The following GSDMC variants were observed in gnomAD, a reference collection of about 807,000 sequenced individuals.
The protein encoded by GSDMC is gasdermin-C.
Under a neutral mutation model 58.0 loss-of-function variants are expected in GSDMC, and 59 were observed. The ratio of observed to expected loss-of-function variants is 1.02; its 90% confidence interval spans 0.82 to 1.26. The LOEUF (loss-of-function observed/expected upper bound fraction) is 1.26. GSDMC is among the 50% of genes most tolerant of loss of function. GSDMC has a pLI of 0.00. For synonymous variants in GSDMC, 241 were observed against 220.2 expected, an observed-to-expected ratio of 1.09 and a Z score of -0.83; for missense variants, 659 against 598.5, an observed-to-expected ratio of 1.10 and a Z score of -1.06.
At chr8:129,713,323 C>T in the GSDMC span, among the ~76,000 whole-genome samples, 1 of 152,182 alleles carries the variant, frequency 6.6e-6, no homozygotes, top group African/African-American at 2.4e-5. Context: ...CGTGGGGAGG[C>T]AGGAGCCCCA....
intron 6 of GSDMC, among the ~76,000 whole-genome samples, chr8:129,755,744 G>T (rs2033401833): frequency 6.6e-6 from 1 of 151,898 alleles, no homozygotes; most frequent in Non-Finnish European, 1.5e-5. Context: ...ACTTTATTAG[G>T]TTTCTTTTTG....
chr8:129,731,705 T>G, the GSDMC span, among the ~76,000 whole-genome samples: 1 of 152,184 alleles, frequency 6.6e-6, no homozygotes, highest in East Asian at 1.9e-4. Flanking sequence ...GTCTGCGTTA[T>G]TCAAAGTTCA....
At chr8:129,725,023 C>A in the GSDMC span, among the ~76,000 whole-genome samples, 7 of 152,300 alleles carry the variant, frequency 4.6e-5, no homozygotes, top group South Asian at 2.1e-4. Context: ...GCCAGTTGAA[C>A]AAGTTAACCC....
At chr8:129,708,221 C>G in the GSDMC span, among the ~76,000 whole-genome samples, 6 of 152,220 alleles carry the variant, frequency 3.9e-5, no homozygotes, top group Non-Finnish European at 7.3e-5. Context: ...AAAGCCGGCT[C>G]TGCTTAGAGG....
chr8:129,718,089 A>G, the GSDMC span, among the ~76,000 whole-genome samples: 5 of 152,212 alleles, frequency 3.3e-5, no homozygotes, highest in African/African-American at 4.8e-5. Context: ...AACATAGTCA[A>G]TACTATTCAA....
In GSDMC at chr8:129,779,009, T is replaced by C. The variant is rs2034332164; in HGVS notation, c.-4-1418A>G. The stretch of plus-strand genomic sequence containing the variant: ...AAAAGGAATGCTTATACACTGTTGA[T>C]GGGAATGTAAATTAGTTCAACCACT... On this transcript the variant is annotated intron_variant, in intron 1 of 13. Transcript: ENST00000276708. Among the ~76,000 whole-genome samples, 5 of 152,332 alleles carry C rather than the reference T, an allele frequency of 3.3e-5. 1 individual carries two copies. The South Asian group carries it at 1.0e-3, about 32-fold the overall frequency.
downstream of GSDMC, among the ~76,000 whole-genome samples, chr8:129,747,488 G>C (rs999420206): frequency 1.7e-4 from 26 of 152,176 alleles, no homozygotes; most frequent in African/African-American, 5.8e-4. Context: ...CTAGAGTGAA[G>C]TGGTGATTAG....
chr8:129,770,201 G>T (rs1487336887), intron 3 of GSDMC, among the ~76,000 whole-genome samples: 1 of 152,156 alleles, frequency 6.6e-6, no homozygotes, highest in Non-Finnish European at 1.5e-5. Flanking sequence ...TTAAGCTGAA[G>T]GCCAGGCTCA....
At chr8:129,752,585 C>A in intron 7 of GSDMC, 113 bp downstream of exon 7, 1 of 1,441,534 alleles carries the variant, frequency 6.9e-7, no homozygotes, top group South Asian at 1.3e-5. Flanking sequence ...CAAGATGGTG[C>A]AATAGAAGCC....
chr8:129,739,901 T>A, the GSDMC span, among the ~76,000 whole-genome samples: 1 of 152,208 alleles, frequency 6.6e-6, no homozygotes, highest in Non-Finnish European at 1.5e-5. Flanking sequence ...TCCTAGGAGA[T>A]GACACCTCCA....
intron 3 of GSDMC, among the ~76,000 whole-genome samples, chr8:129,770,285 A>G (rs978346330): frequency 6.6e-6 from 1 of 152,222 alleles, no homozygotes; most frequent in Admixed American, 6.5e-5. Flanking sequence ...ACTTGAGGCC[A>G]GGAGTTCAAG....
At chr8:129,748,073 A>G (rs2033009715), downstream of GSDMC, 1 of 152,692 alleles carries the variant, frequency 6.5e-6, no homozygotes, top group Admixed American at 6.5e-5. Context: ...CTAATACTTT[A>G]TCACATTTAC....
intron 1 of GSDMC, among the ~76,000 whole-genome samples, chr8:129,783,233 C>G (rs1356359803): frequency 6.6e-6 from 1 of 151,240 alleles, no homozygotes; most frequent in Non-Finnish European, 1.5e-5. Flanking sequence ...CCATATATTA[C>G]AGACTCACTC....
chr8:129,749,973 C>T lies in GSDMC; in HGVS notation c.1213+17G>A, dbSNP rs1188557751. 27 of 1,569,996 alleles carry T rather than the reference C, an allele frequency of 1.7e-5. No individual in the cohort carries two copies. Among genetic ancestry groups the T allele is most frequent in the Non-Finnish European group, 2.2e-5 (26 of 1,163,404 alleles). ...CAATCTTGTGATTCTCCCATTCTTC[C>T]CTTTAATTACTCTTACCCATTATGG... On this transcript the variant is annotated intron_variant, in intron 12 of 13. Transcript: ENST00000276708.
intron 3 of GSDMC, among the ~76,000 whole-genome samples, chr8:129,766,509 G>C (rs117176012): frequency 6.6e-6 from 1 of 152,138 alleles, no homozygotes; most frequent in African/African-American, 2.4e-5. Context: ...AGGTTACTGC[G>C]CACACAATAT....
At chr8:129,720,600 G>A in the GSDMC span, among the ~76,000 whole-genome samples, 43 of 152,202 alleles carry the variant, frequency 2.8e-4, no homozygotes, top group African/African-American at 1.0e-3. Flanking sequence ...ATGCACCTGT[G>A]TACAAATAGT....
intron 3 of GSDMC, among the ~76,000 whole-genome samples, chr8:129,770,807 CAG>C (rs1442300015): frequency 6.6e-6 from 1 of 151,644 alleles, no homozygotes; most frequent in Non-Finnish European, 1.5e-5. Flanking sequence ...TAAATGTAAA[CAG>C]ATTAAATTTT....
At chr8:129,774,178 T>A (rs1356965167) in intron 3 of GSDMC, among the ~76,000 whole-genome samples, 1 of 152,158 alleles carries the variant, frequency 6.6e-6, no homozygotes, top group East Asian at 1.9e-4. Flanking sequence ...AAGTTAAAAC[T>A]TATGGCACTT....
In GSDMC at chr8:129,752,683, G is replaced by A. The variant is rs775126181; in HGVS notation, c.844+15C>T. ...ATCAACATAGAAGTAAAAATAAAGTGAGCAATCACAGTACCTGGTTTTAAC... is the reference window on the plus strand; with the variant it reads ...ATCAACATAGAAGTAAAAATAAAGTAAGCAATCACAGTACCTGGTTTTAAC... On this transcript the variant is annotated intron_variant, in intron 7 of 13. Transcript: ENST00000276708. The A allele has an allele frequency of 4.3e-6, 7 of 1,613,838 alleles. No homozygotes were observed. The South Asian group carries it at 5.5e-5, about 13-fold the overall frequency.
Sources: allele counts gnomAD v4.1 joint callset (sites outside exome capture counted in the v4.1 genomes callset), GRCh38; gene constraint gnomAD v4.1.1; transcripts MANE v1.5; gene names NCBI Gene and HGNC (gene_info 2026-07-23, HGNC 2026-07-21).